The following DEGS1 variants were observed in gnomAD, a reference collection of about 807,000 sequenced individuals.
The protein encoded by DEGS1 is delta 4-desaturase, sphingolipid 1.
Under a neutral mutation model 24.1 loss-of-function variants are expected in DEGS1, and 17 were observed. That is an observed-to-expected ratio of 0.70 (90% CI 0.48 to 1.06). The LOEUF (loss-of-function observed/expected upper bound fraction) is 1.06, where lower values mean the gene tolerates loss of function less well. Among genes scored for constraint, DEGS1 ranks in the 50% least tolerant of loss-of-function variants. The pLI is 0.00. For missense variants in DEGS1, 366 were observed against 408.9 expected (o/e 0.90, Z 0.91); for synonymous variants, 134 against 140.0 (o/e 0.96, Z 0.30).
At chr1:224,183,686 C>A in intron 1 of DEGS1, 1 of 294,180 alleles carries the variant, frequency 3.4e-6, no homozygotes, top group Non-Finnish European at 6.3e-6. Flanking sequence ...GCGCGGGAGT[C>A]CCCGCCAGGC....
intron 1 of DEGS1, among the ~76,000 whole-genome samples, chr1:224,189,259 T>C (rs2102655622): frequency 6.6e-6 from 1 of 152,314 alleles, no homozygotes; most frequent in South Asian, 2.1e-4. Context: ...AATTTAATCG[T>C]TTTATATAAG....
intron 1 of DEGS1, among the ~76,000 whole-genome samples, chr1:224,185,205 G>A (rs1338812637): frequency 6.6e-6 from 1 of 152,058 alleles, no homozygotes; most frequent in Non-Finnish European, 1.5e-5. Context: ...TGCCCAGGCT[G>A]GTCTTGAACT....
chr1:224,186,489 G>A (rs776317414), intron 1 of DEGS1, among the ~76,000 whole-genome samples: 9 of 152,022 alleles, frequency 5.9e-5, no homozygotes, highest in Non-Finnish European at 8.8e-5. Context: ...TAAGGTGGGC[G>A]GATCATGAGG....
At position 224,190,179 on chromosome 1, in the gene DEGS1, T is replaced by G. The variant is rs937295841; in HGVS notation, c.685T>G (p.Phe229Val). Residue 229 changes from phenylalanine to valine, a missense_variant, in exon 2 of 3, where the codon TTT (phenylalanine) becomes GTT (valine). Phe to Val is a conservative substitution (Grantham distance 50). Coordinates refer to ENST00000323699, the MANE Select transcript of DEGS1 (RefSeq NM_003676.4). Reference sequence around the variant, plus strand: ...GGGTTTGCACCCAATTTCTGGACATTTTATAGCTGAGCATTACATGTTCTT... The same window carrying G: ...GGGTTTGCACCCAATTTCTGGACATGTTATAGCTGAGCATTACATGTTCTT... ...GLGLHPISGH[F>V]IAEHYMFLKG... 6.3e-7 allele frequency: 1 copy of G among 1,578,472 alleles called. No individual in the cohort carries two copies.
At chr1:224,187,105 C>G (rs1255793108) in intron 1 of DEGS1, among the ~76,000 whole-genome samples, 1 of 152,046 alleles carries the variant, frequency 6.6e-6, no homozygotes, top group Non-Finnish European at 1.5e-5. Context: ...GTCAGGAGTT[C>G]AAGACCAGTC....
rs1317530939 is a variant in DEGS1 at position 224,192,562 on chromosome 1, A to G, written c.*84A>G. 2 of 1,353,008 alleles carry G rather than the reference A, an allele frequency of 1.5e-6. No individual in the cohort carries two copies. Among genetic ancestry groups the G allele is most frequent in the East Asian group, 2.5e-5 (1 of 39,962 alleles). The allele number at this position is 1,353,008 out of a possible 1,614,324, so 83.8% of individuals were successfully genotyped here. A position where few individuals can be genotyped will look rare whatever the true frequency, so the allele number is the denominator to read the frequency against. ...TGCATTATTAAACTTGAGACCAGTGATGCTCAGAAGCTCCCCTGGCACAAT... is the reference window on the plus strand; with the variant it reads ...TGCATTATTAAACTTGAGACCAGTGGTGCTCAGAAGCTCCCCTGGCACAAT... On this transcript the variant is annotated 3_prime_UTR_variant, in exon 3 of 3. Coordinates refer to ENST00000323699, the MANE Select transcript of DEGS1 (RefSeq NM_003676.4).
chr1:224,186,953 A>G (rs1658410841), intron 1 of DEGS1, among the ~76,000 whole-genome samples: 1 of 152,170 alleles, frequency 6.6e-6, no homozygotes, highest in Non-Finnish European at 1.5e-5. Flanking sequence ...CAACAATTGT[A>G]CACTTTAAGT....
intron 1 of DEGS1, among the ~76,000 whole-genome samples, chr1:224,184,185 C>T (rs972348768): frequency 1.3e-5 from 2 of 152,180 alleles, no homozygotes; most frequent in Non-Finnish European, 2.9e-5. Flanking sequence ...AAATATGTGG[C>T]GTGGCCTGCT....
At chr1:224,186,882 A>C (rs1658409503) in intron 1 of DEGS1, among the ~76,000 whole-genome samples, 1 of 152,206 alleles carries the variant, frequency 6.6e-6, no homozygotes, top group African/African-American at 2.4e-5. Flanking sequence ...ACAAATGATA[A>C]GAGATCTTTC....
intron 2 of DEGS1, 140 bp from the exon 3 acceptor site, chr1:224,192,185 CTGCTGCT>C: frequency 1.6e-6 from 1 of 636,858 alleles, no homozygotes; most frequent in Non-Finnish European, 2.6e-6. Context: ...GCTGCTGCTG[CTGCTGCT>C]TTTTTTTTTT....
intron 2 of DEGS1, 112 bp from the exon 3 acceptor site, chr1:224,192,220 A>C: frequency 1.3e-6 from 1 of 756,292 alleles, no homozygotes; most frequent in South Asian, 2.2e-5. Context: ...GAGAGGAGGG[A>C]GGCAGGTCTC....
intron 1 of DEGS1, among the ~76,000 whole-genome samples, chr1:224,188,251 C>T (rs1658445202): frequency 6.6e-6 from 1 of 152,020 alleles, no homozygotes; most frequent in South Asian, 2.1e-4. Context: ...GAGGTAGACC[C>T]TGTCTCTAAA....
rs1194348711 is a variant in DEGS1, at chr1:224,193,234, G to A, written c.*756G>A. The A allele has an allele frequency of 6.6e-6, 1 of 151,902 alleles. No individual in the cohort carries two copies. The highest frequency in any genetic ancestry group is 2.1e-4 in the South Asian group (1 of 4,812). The allele number at this position is 151,902 out of a possible 1,614,324, so 9.4% of individuals were successfully genotyped here. A position where few individuals can be genotyped will look rare whatever the true frequency, so the allele number is the denominator to read the frequency against. On this transcript the variant is annotated 3_prime_UTR_variant, in exon 3 of 3. Coordinates refer to ENST00000323699, the MANE Select transcript of DEGS1 (RefSeq NM_003676.4). ...ATAATATGGTAACTTGGGTACCGGG[G>A]GAACTTTAAAATTTCATCTCAAAAA...
rs2102650567 is a variant in DEGS1, at chr1:224,183,419, G to C, written c.82+1G>C. 7.1e-7 allele frequency: 1 copy of C among 1,410,068 alleles called. No homozygotes were observed. The allele number at this position is 1,410,068 out of a possible 1,614,324, so 87.3% of individuals were successfully genotyped here. A position where few individuals can be genotyped will look rare whatever the true frequency, so the allele number is the denominator to read the frequency against. On this transcript the variant is annotated splice_donor_variant, in intron 1 of 2. Coordinates refer to ENST00000323699, the MANE Select transcript of DEGS1 (RefSeq NM_003676.4). LOFTEE classifies it high-confidence loss of function. Reference sequence around the variant, plus strand: ...GCCGACCGGCGCCGGGAGATCCTGGGTGAGGGCCAGCGGGCGCCCCGTTAT... The same window carrying C: ...GCCGACCGGCGCCGGGAGATCCTGGCTGAGGGCCAGCGGGCGCCCCGTTAT...
intron 1 of DEGS1, among the ~76,000 whole-genome samples, chr1:224,184,575 G>A (rs1032313246): frequency 1.2e-4 from 18 of 151,938 alleles, no homozygotes; most frequent in African/African-American, 4.4e-4. Flanking sequence ...GCAGTGGCGC[G>A]ATCTCCACTC....
In DEGS1 at chr1:224,190,530, G is replaced by T. The variant is rs55977521; in HGVS notation, c.825+211G>T. Among the ~76,000 whole-genome samples, 17,758 of 148,692 alleles carry T rather than the reference G, an allele frequency of 0.12. 1,375 individuals carry two copies. The highest frequency in any genetic ancestry group is 0.36 in the East Asian group (1,830 of 5,060). ...ATGCTACCACGCCCAGCTAATTTTTGTATTTTTAGTAGAGATGGGGTTTTG... is the reference window on the plus strand; with the variant it reads ...ATGCTACCACGCCCAGCTAATTTTTTTATTTTTAGTAGAGATGGGGTTTTG... On this transcript the variant is annotated intron_variant, in intron 2 of 2. Transcript: ENST00000323699.
chr1:224,190,127 C>A lies in DEGS1; in HGVS notation c.633C>A (p.Tyr211Ter). The change falls in exon 2 of 3, where the codon TAC becomes TAA. Residue 211 changes from tyrosine to a stop codon, truncating the protein, a stop_gained. Coordinates refer to ENST00000323699, the MANE Select transcript of DEGS1 (RefSeq NM_003676.4). LOFTEE classifies it high-confidence loss of function. The stretch of plus-strand genomic sequence containing the variant: ...TTTTGGGAATTAAATCCTTAGTCTA[C>A]ATGTTGGCAGCATCTTTACTTGGCC... ...YYFLGIKSLV[Y>*]MLAASLLGLG... The A allele has an allele frequency of 6.2e-7, 1 of 1,610,756 alleles. No homozygotes were observed. Among genetic ancestry groups the A allele is most frequent in the South Asian group, 1.1e-5 (1 of 90,640 alleles).
Position 224,192,576 on chromosome 1 carries a change from C to G in DEGS1, c.*98C>G, listed in dbSNP as rs1658570848. ...TGAGACCAGTGATGCTCAGAAGCTC[C>G]CCTGGCACAATTTCAGAGTAAGAGC... On this transcript the variant is annotated 3_prime_UTR_variant, in exon 3 of 3. Transcript: ENST00000323699. The G allele has an allele frequency of 8.4e-7, 1 of 1,192,346 alleles. No homozygotes were observed. The highest frequency in any genetic ancestry group is 1.6e-5 in the African/African-American group (1 of 63,910). 73.9% of individuals were successfully genotyped at this position (1,192,346 alleles called of 1,614,324 possible).
chr1:224,191,315 G>A (rs1658529758), intron 2 of DEGS1, among the ~76,000 whole-genome samples: 1 of 151,594 alleles, frequency 6.6e-6, no homozygotes, highest in Non-Finnish European at 1.5e-5. Context: ...GTTTGAACTC[G>A]GGCAGTGGAG....
Sources: allele counts gnomAD v4.1 joint callset (sites outside exome capture counted in the v4.1 genomes callset), GRCh38; gene constraint gnomAD v4.1.1; transcripts MANE v1.5; gene names NCBI Gene and HGNC (gene_info 2026-07-23, HGNC 2026-07-21).